The following CIMAP1D variants were observed in gnomAD, a reference collection of about 807,000 sequenced individuals.
CIMAP1D encodes protein CIMAP1D.
At chr19:490,315 C>A in the CIMAP1D span, 1 of 254,904 alleles carries the variant, frequency 3.9e-6, no homozygotes, top group Non-Finnish European at 7.3e-6. Flanking sequence ...GAGATAGCAC[C>A]ACTGTACTCC....
the CIMAP1D span, among the ~76,000 whole-genome samples, chr19:480,589 T>A: frequency 6.0e-4 from 53 of 88,230 alleles, no homozygotes; most frequent in African/African-American, 3.3e-3. Flanking sequence ...GGAGAAGGAA[T>A]GTGGGAAGGT....
chr19:474,604 C>A, the CIMAP1D span: 1 of 1,503,786 alleles, frequency 6.6e-7, no homozygotes, highest in Non-Finnish European at 9.0e-7. Flanking sequence ...CACCCATCCC[C>A]CACGGCTGGC....
the CIMAP1D span, among the ~76,000 whole-genome samples, chr19:469,329 C>T: frequency 6.6e-6 from 1 of 151,800 alleles, no homozygotes; most frequent in South Asian, 2.1e-4. Flanking sequence ...GCAATCCTCC[C>T]ACCTCAGCCT....
chr19:466,268 T>C, the CIMAP1D span, among the ~76,000 whole-genome samples: 7 of 119,064 alleles, frequency 5.9e-5, no homozygotes, highest in African/African-American at 2.3e-4. Flanking sequence ...AGGTAGATGG[T>C]GGATGGATGG....
chr19:463,564 G>A, the CIMAP1D span: 9 of 509,198 alleles, frequency 1.8e-5, no homozygotes, highest in African/African-American at 4.1e-5. Flanking sequence ...GGGGAGGGCC[G>A]GAAGGTGTCC....
chr19:468,761 G>A, the CIMAP1D span, among the ~76,000 whole-genome samples: 11 of 152,320 alleles, frequency 7.2e-5, no homozygotes, highest in African/African-American at 2.6e-4. Context: ...CTGTACATGT[G>A]GCAGTGAGCC....
At chr19:471,537 G>A in the CIMAP1D span, among the ~76,000 whole-genome samples, 2 of 151,788 alleles carry the variant, frequency 1.3e-5, no homozygotes, top group Non-Finnish European at 2.9e-5. Context: ...CGACCTCCTG[G>A]GTTCAAGTGA....
the CIMAP1D span, among the ~76,000 whole-genome samples, chr19:487,872 G>C: frequency 3.3e-5 from 5 of 152,338 alleles, no homozygotes; most frequent in South Asian, 1.0e-3. Flanking sequence ...TGTGCCCTGG[G>C]CCTGGTAGTT....
the CIMAP1D span, among the ~76,000 whole-genome samples, chr19:469,622 C>G: frequency 0.13 from 20,101 of 151,960 alleles, 3,053 homozygotes; most frequent in African/African-American, 0.37. Flanking sequence ...CCCCGGGAGG[C>G]AGAGGTTGCC....
the CIMAP1D span, among the ~76,000 whole-genome samples, chr19:480,159 G>A: frequency 6.6e-6 from 1 of 152,248 alleles, no homozygotes; most frequent in Admixed American, 6.5e-5. Context: ...GGAACTGCAC[G>A]CACAGAGGCC....
the CIMAP1D span, among the ~76,000 whole-genome samples, chr19:480,543 G>T: frequency 1.3e-3 from 181 of 138,638 alleles, 8 homozygotes; most frequent in African/African-American, 5.6e-3. Context: ...GGATGATGGG[G>T]AAGGATGATG....
At chr19:467,651 C>T in the CIMAP1D span, 15 of 1,608,968 alleles carry the variant, frequency 9.3e-6, no homozygotes, top group Non-Finnish European at 1.3e-5. Flanking sequence ...GTACTCACCC[C>T]GAGACTTGGC....
At chr19:481,920 C>T in the CIMAP1D span, among the ~76,000 whole-genome samples, 2 of 151,866 alleles carry the variant, frequency 1.3e-5, no homozygotes, top group African/African-American at 4.8e-5. Flanking sequence ...GGACTATAGG[C>T]ATGTGTCACC....
At chr19:487,209 C>T in the CIMAP1D span, among the ~76,000 whole-genome samples, 1 of 152,160 alleles carries the variant, frequency 6.6e-6, no homozygotes, top group South Asian at 2.1e-4. Flanking sequence ...CTGTGAAGTT[C>T]GCGGCGATCT....
chr19:467,171 G>A, the CIMAP1D span, among the ~76,000 whole-genome samples: 1 of 134,366 alleles, frequency 7.4e-6, no homozygotes, highest in Non-Finnish European at 1.6e-5. Context: ...TGGGTGGGTG[G>A]ATGGATGAAT....
the CIMAP1D span, among the ~76,000 whole-genome samples, chr19:465,885 TG>T: frequency 9.8e-4 from 38 of 38,732 alleles, no homozygotes; most frequent in African/African-American, 3.7e-3. Flanking sequence ...GGTGGGTGGA[TG>T]GGCGGGTGGA....
At chr19:471,812 G>A in the CIMAP1D span, among the ~76,000 whole-genome samples, 16 of 151,720 alleles carry the variant, frequency 1.1e-4, no homozygotes, top group African/African-American at 3.9e-4. Context: ...GCGCCATCTC[G>A]GCTCACCGCA....
chr19:485,954 G>A, the CIMAP1D span, among the ~76,000 whole-genome samples: 9 of 152,164 alleles, frequency 5.9e-5, no homozygotes, highest in African/African-American at 9.7e-5. Context: ...TCAGACTCAC[G>A]CGCCCTGCTG....
At chr19:485,926 G>A in the CIMAP1D span, among the ~76,000 whole-genome samples, 56 of 151,836 alleles carry the variant, frequency 3.7e-4, no homozygotes, top group African/African-American at 1.0e-3. Context: ...TCCTTTGTCC[G>A]GCGGCCAGCC....
Sources: allele counts gnomAD v4.1 joint callset (sites outside exome capture counted in the v4.1 genomes callset), GRCh38; gene constraint gnomAD v4.1.1; transcripts MANE v1.5; gene names NCBI Gene and HGNC (gene_info 2026-07-23, HGNC 2026-07-21).